ZNF536: variants seen among roughly 807,000 people sequenced by gnomAD.
The protein encoded by ZNF536 is zinc finger protein 536.
A neutral mutation model predicts 84.5 loss-of-function variants in ZNF536; 13 were observed. That is an observed-to-expected ratio of 0.15 (90% CI 0.10 to 0.24). The LOEUF is 0.24. Ranked by LOEUF, ZNF536 falls within the 10% of genes least tolerant of loss-of-function variation. The pLI is 1.00. For missense variants in ZNF536, 1,536 were observed against 1,747.5 expected, an observed-to-expected ratio of 0.88 and a Z score of 2.16; for synonymous variants, 811 against 742.5, an observed-to-expected ratio of 1.09 and a Z score of -1.50.
intron 2 of ZNF536, among the ~76,000 whole-genome samples, chr19:30,529,808 T>G (rs1362960542): frequency 6.6e-6 from 1 of 152,232 alleles, no homozygotes; most frequent in African/African-American, 2.4e-5. Flanking sequence ...TCAACACATT[T>G]GCTCTTGGCT....
chr19:30,572,486 C>G (rs2046584368), intron 1 of ZNF536, among the ~76,000 whole-genome samples: 1 of 152,176 alleles, frequency 6.6e-6, no homozygotes, highest in African/African-American at 2.4e-5. Flanking sequence ...CACCTGCCAT[C>G]CAGCAGCCTT....
intron 2 of ZNF536, among the ~76,000 whole-genome samples, chr19:30,314,093 G>T (rs530119904): frequency 6.6e-6 from 1 of 152,308 alleles, no homozygotes; most frequent in East Asian, 1.9e-4. Context: ...GCAAATGCTT[G>T]CTTTGCTTAT....
intron 1 of ZNF536, among the ~76,000 whole-genome samples, chr19:30,614,349 T>C (rs530578954): frequency 3.3e-5 from 5 of 151,916 alleles, no homozygotes; most frequent in Admixed American, 3.3e-4. Flanking sequence ...ATAATTTACT[T>C]AACCATTACC....
chr19:30,671,555 G>A (rs2050551778), intron 1 of ZNF536, among the ~76,000 whole-genome samples: 1 of 152,106 alleles, frequency 6.6e-6, no homozygotes, highest in Non-Finnish European at 1.5e-5. Context: ...AAGGAGAAGG[G>A]GAAGCGGGGC....
intron 1 of ZNF536, among the ~76,000 whole-genome samples, chr19:30,649,475 G>C (rs534986510): frequency 6.6e-6 from 1 of 150,954 alleles, no homozygotes; most frequent in South Asian, 2.1e-4. Flanking sequence ...GGAACATTAA[G>C]ATTCAATATT....
At chr19:30,341,640 C>T (rs534238708) in intron 2 of ZNF536, among the ~76,000 whole-genome samples, 65 of 152,080 alleles carry the variant, frequency 4.3e-4, no homozygotes, top group Admixed American at 5.2e-4. Flanking sequence ...TCTCTTTGTG[C>T]AGTAGAACTT....
chr19:30,547,924 T>C lies in ZNF536; in HGVS notation c.2324-19T>C. 6.6e-7 allele frequency: 1 copy of C among 1,513,970 alleles called. No homozygotes were observed. The highest frequency in any genetic ancestry group is 8.8e-7 in the Non-Finnish European group (1 of 1,132,774). The allele number at this position is 1,513,970 out of a possible 1,614,324, so 93.8% of individuals were successfully genotyped here. A position where few individuals can be genotyped will look rare whatever the true frequency, so the allele number is the denominator to read the frequency against. ...ATGAGATAAACGCCTCTTTTTTTTC[T>C]TATATCAAAATCTTGCAGGTGAGAA... On this transcript the variant is annotated intron_variant, in intron 3 of 4. Transcript: ENST00000355537.
At chr19:30,440,927 ATAGATAGATAG>A (rs2052014394) in intron 1 of ZNF536, among the ~76,000 whole-genome samples, 1 of 150,732 alleles carries the variant, frequency 6.6e-6, no homozygotes, top group African/African-American at 2.4e-5. Flanking sequence ...AGATAGATAG[ATAGATAGATAG>A]ATTTGAAAAA....
At chr19:30,691,957 G>A (rs1396281808) in intron 1 of ZNF536, among the ~76,000 whole-genome samples, 11 of 152,188 alleles carry the variant, frequency 7.2e-5, no homozygotes, top group African/African-American at 2.7e-4. Context: ...CCTCTGCCCG[G>A]GCCTCCACCT....
rs775857517 is a variant in ZNF536, at chr19:30,445,050, G to A, written c.1488G>A (p.Pro496=). The change falls in exon 2 of 5, where the codon CCG becomes CCA. Residue 496 remains proline (P), a synonymous_variant. Coordinates refer to ENST00000355537, the MANE Select transcript of ZNF536 (RefSeq NM_014717.3). The surrounding 1 kb of genome is among the most constrained non-coding windows in gnomAD (Gnocchi z 4.5). ...TCCTGGGATGCCTCAATCTCGTGCC[G>A]CCGCTGAAATCCAGCTGCATCGAGC... ...HSLLGCLNLV[P]PLKSSCIERL... 1.4e-5 allele frequency: 23 copies of A among 1,613,358 alleles called. No homozygotes were observed. Among genetic ancestry groups the A allele is most frequent in the South Asian group, 2.2e-5 (2 of 91,074 alleles).
At chr19:30,410,587 G>T (rs1343552970) in intron 1 of ZNF536, among the ~76,000 whole-genome samples, 1 of 147,792 alleles carries the variant, frequency 6.8e-6, no homozygotes, top group Non-Finnish European at 1.5e-5. Flanking sequence ...CCATTCTCCT[G>T]CCTCAGCCTC....
At chr19:30,546,469 G>T (rs998763526) in intron 3 of ZNF536, among the ~76,000 whole-genome samples, 1 of 152,186 alleles carries the variant, frequency 6.6e-6, no homozygotes, top group Admixed American at 6.5e-5. Flanking sequence ...GGCAGGCAGG[G>T]TAACCACGGT....
intron 3 of ZNF536, among the ~76,000 whole-genome samples, chr19:30,365,571 G>A (rs976793605): frequency 2.6e-5 from 4 of 152,186 alleles, no homozygotes; most frequent in African/African-American, 9.7e-5. Flanking sequence ...GGGCCACGAA[G>A]CCCACGTCTG....
intron 1 of ZNF536, among the ~76,000 whole-genome samples, chr19:30,239,085 G>T (rs192774943): frequency 1.6e-4 from 25 of 152,300 alleles, no homozygotes; most frequent in Non-Finnish European, 2.9e-4. Context: ...TCACCAGAGG[G>T]TATCCCAAAT....
exon 2 of ZNF536, chr19:30,712,211 C>A (rs897091822): frequency 2.0e-5 from 3 of 152,034 alleles, no homozygotes; most frequent in African/African-American, 7.2e-5. Flanking sequence ...CTGCACCACA[C>A]AGAAGGAGAT....
chr19:30,334,731 C>G (rs916711076), intron 2 of ZNF536, among the ~76,000 whole-genome samples: 1 of 152,166 alleles, frequency 6.6e-6, no homozygotes, highest in Non-Finnish European at 1.5e-5. Context: ...CCAGCCTTTA[C>G]AGCAGTTTCC....
At chr19:30,575,546 A>G (rs996404679) in intron 1 of ZNF536, among the ~76,000 whole-genome samples, 4 of 152,214 alleles carry the variant, frequency 2.6e-5, no homozygotes, top group African/African-American at 9.7e-5. Context: ...GTTCCTGTGC[A>G]CCAGATCCTT....
chr19:30,227,914 C>T (rs996562493), upstream of ZNF536, among the ~76,000 whole-genome samples: 2 of 151,908 alleles, frequency 1.3e-5, no homozygotes, highest in East Asian at 1.9e-4. Context: ...GCGGGAAGCA[C>T]GCCTGACCAG....
At chr19:30,447,076 A>G (rs1298570424) in intron 2 of ZNF536, among the ~76,000 whole-genome samples, 1 of 152,244 alleles carries the variant, frequency 6.6e-6, no homozygotes, top group South Asian at 2.1e-4. Context: ...TTCTGCAATC[A>G]GCCATTAAGT....
Sources: allele counts gnomAD v4.1 joint callset (sites outside exome capture counted in the v4.1 genomes callset), GRCh38; gene constraint gnomAD v4.1.1; non-coding constraint Gnocchi (gnomAD v3.1); transcripts MANE v1.5; gene names NCBI Gene and HGNC (gene_info 2026-07-23, HGNC 2026-07-21).